Variants in CYP4X1 observed in about 807,000 individuals in gnomAD.
CYP4X1 encodes the protein cytochrome P450 family 4 subfamily X member 1.
In CYP4X1, 44 loss-of-function variants were observed where a neutral mutation model predicts 57.9. The ratio of observed to expected loss-of-function variants is 0.76; its 90% CI spans 0.60 to 0.98. The LOEUF (loss-of-function observed/expected upper bound fraction) is 0.98. Among genes scored for constraint, CYP4X1 ranks in the 50% least tolerant of loss-of-function variants. The pLI, the probability that CYP4X1 is intolerant of heterozygous loss-of-function variation, is 0.00. For synonymous variants in CYP4X1, 227 were observed against 228.6 expected (o/e 0.99, Z 0.06); for missense variants, 532 against 623.9 (o/e 0.85, Z 1.57).
chr1:46,964,355 C>T, the CYP4X1 span, among the ~76,000 whole-genome samples: 4,201 of 152,230 alleles, frequency 0.028, 100 homozygotes, highest in East Asian at 0.12. Flanking sequence ...TCTGTTTTAT[C>T]CCCTTCTTTG....
chr1:46,978,677 T>C, the CYP4X1 span, among the ~76,000 whole-genome samples: 2 of 151,520 alleles, frequency 1.3e-5, no homozygotes, highest in African/African-American at 4.9e-5. Flanking sequence ...TATACATTCT[T>C]CTCAGGACCA....
At chr1:46,969,093 A>T in the CYP4X1 span, among the ~76,000 whole-genome samples, 2 of 152,134 alleles carry the variant, frequency 1.3e-5, no homozygotes, top group Admixed American at 1.3e-4. Flanking sequence ...ATCCCTCATT[A>T]TGGTTTAGCA....
At chr1:47,016,771 T>C in the CYP4X1 span, among the ~76,000 whole-genome samples, 5 of 152,256 alleles carry the variant, frequency 3.3e-5, no homozygotes, top group African/African-American at 1.2e-4. Flanking sequence ...TGTTATTTTT[T>C]AAAGTACAAT....
At chr1:46,982,396 C>A in the CYP4X1 span, among the ~76,000 whole-genome samples, 3 of 152,184 alleles carry the variant, frequency 2.0e-5, no homozygotes, top group Non-Finnish European at 4.4e-5. Context: ...TAGTTAAGAA[C>A]CATTGCTGGG....
At chr1:46,979,238 T>C in the CYP4X1 span, among the ~76,000 whole-genome samples, 1 of 151,616 alleles carries the variant, frequency 6.6e-6, no homozygotes, top group Admixed American at 6.6e-5. Context: ...GCAAGACTAA[T>C]AAAGAAGAAA....
chr1:47,023,914 T>C lies in CYP4X1; in HGVS notation c.97T>C (p.Tyr33His), dbSNP rs527743703. ...ALGLLQAIKL[Y>H]LRRQRLLRDL... is the part of the protein sequence containing the mutation. ...GGGGCTGCTGCAGGCCATTAAGCTG[T>C]ACCTGCGGAGGCAGCGGCTGCTGCG... Residue 33 changes from tyrosine to histidine, a missense_variant, in exon 1 of 12, where the codon TAC (tyrosine) becomes CAC (histidine). Coordinates refer to ENST00000371901, the MANE Select transcript of CYP4X1 (RefSeq NM_178033.2). The C allele has an allele frequency of 6.9e-5, 112 of 1,613,690 alleles. No homozygotes were observed. Among genetic ancestry groups the C allele is most frequent in the South Asian group, 6.1e-4 (56 of 91,060 alleles).
At chr1:47,008,068 G>T in the CYP4X1 span, among the ~76,000 whole-genome samples, 1 of 152,138 alleles carries the variant, frequency 6.6e-6, no homozygotes. Flanking sequence ...AGGAAATACA[G>T]AGAATGCCAC....
chr1:47,023,964 C>T lies in CYP4X1; in HGVS notation c.147C>T (p.Pro49=), dbSNP rs750652797. The T allele has an allele frequency of 7.4e-6, 12 of 1,612,914 alleles. No homozygotes were observed. The highest frequency in any genetic ancestry group is 2.7e-5 in the African/African-American group (2 of 74,920). Residue 49 remains proline, a synonymous_variant, in exon 1 of 12, where the codon CCC becomes CCT. Coordinates refer to ENST00000371901, the MANE Select transcript of CYP4X1 (RefSeq NM_178033.2). ...GGGACCTGCGCCCCTTCCCAGCGCC[C>T]CCCACCCACTGGTTCCTTGGGCACC... The part of the protein sequence containing the change: ...LLRDLRPFPA[P]PTHWFLGHQK...
the CYP4X1 span, among the ~76,000 whole-genome samples, chr1:47,000,299 C>G: frequency 6.6e-6 from 1 of 152,130 alleles, no homozygotes; most frequent in African/African-American, 2.4e-5. Context: ...TCATGCAGAA[C>G]TGTGAGTCAA....
chr1:47,007,637 G>C, the CYP4X1 span, among the ~76,000 whole-genome samples: 2 of 152,248 alleles, frequency 1.3e-5, no homozygotes, highest in East Asian at 3.9e-4. Flanking sequence ...CCAAGCTAAA[G>C]GAGGAAGTTC....
At chr1:46,978,633 C>T in the CYP4X1 span, among the ~76,000 whole-genome samples, 128 of 152,224 alleles carry the variant, frequency 8.4e-4, 1 homozygote, top group African/African-American at 2.9e-3. Flanking sequence ...ACCTAATAGA[C>T]ATCTACAGAA....
chr1:47,024,161 T>C (rs1379557273), intron 1 of CYP4X1, among the ~76,000 whole-genome samples, 167 bp downstream of exon 1: 1 of 152,178 alleles, frequency 6.6e-6, no homozygotes, highest in Non-Finnish European at 1.5e-5. Context: ...TTTTCCTTGC[T>C]CTGGAGAATT....
intron 1 of CYP4X1, among the ~76,000 whole-genome samples, chr1:47,028,427 G>C (rs1229996437): frequency 6.6e-6 from 1 of 152,146 alleles, no homozygotes. Flanking sequence ...CATAGAACAT[G>C]GAAAGCATTT....
At chr1:47,021,342 A>C (rs1430752884), upstream of CYP4X1, among the ~76,000 whole-genome samples, 1 of 152,114 alleles carries the variant, frequency 6.6e-6, no homozygotes, top group Non-Finnish European at 1.5e-5. Context: ...GATAGCAAAA[A>C]CACAAGCAAT....
At chr1:47,021,726 G>C (rs1055809488), upstream of CYP4X1, among the ~76,000 whole-genome samples, 1 of 152,202 alleles carries the variant, frequency 6.6e-6, no homozygotes, top group African/African-American at 2.4e-5. Flanking sequence ...AGGGGCAACT[G>C]GCCCTGGAGC....
chr1:46,980,601 A>T, the CYP4X1 span, among the ~76,000 whole-genome samples: 1 of 152,318 alleles, frequency 6.6e-6, no homozygotes, highest in Admixed American at 6.5e-5. Context: ...GCTACCAATG[A>T]CTTTCTTCAC....
At chr1:46,991,930 A>T in the CYP4X1 span, among the ~76,000 whole-genome samples, 1 of 152,188 alleles carries the variant, frequency 6.6e-6, no homozygotes, top group Non-Finnish European at 1.5e-5. Context: ...AGCTGGCTTT[A>T]CAAAGTGCCT....
the CYP4X1 span, among the ~76,000 whole-genome samples, chr1:46,977,647 C>T: frequency 2.2e-4 from 34 of 151,976 alleles, no homozygotes; most frequent in South Asian, 1.5e-3. Context: ...TACTCCACGA[C>T]AAGAGCACCC....
chr1:47,049,728 A>G (rs1447269590), intron 11 of CYP4X1, among the ~76,000 whole-genome samples: 2 of 152,186 alleles, frequency 1.3e-5, no homozygotes, highest in Non-Finnish European at 2.9e-5. Flanking sequence ...GCTACTGCTC[A>G]TAGGCTCAAT....
Sources: allele counts gnomAD v4.1 joint callset (sites outside exome capture counted in the v4.1 genomes callset), GRCh38; gene constraint gnomAD v4.1.1; transcripts MANE v1.5; gene names NCBI Gene and HGNC (gene_info 2026-07-23, HGNC 2026-07-21).